ITGAL: variants seen among roughly 807,000 people sequenced by gnomAD.
ITGAL encodes the protein integrin alpha-L.
ITGAL carries 68 observed loss-of-function variants against 138.4 expected under a neutral mutation model. That is an observed-to-expected ratio of 0.49 (90% CI 0.40 to 0.60). ITGAL has a LOEUF of 0.60. Ranked by LOEUF, ITGAL falls within the 20% of genes least tolerant of loss-of-function variation. The pLI, the probability that ITGAL is intolerant of heterozygous loss-of-function variation, is 0.00. For synonymous variants in ITGAL, 561 were observed against 584.3 expected, an observed-to-expected ratio of 0.96 and a Z score of 0.57; for missense variants, 1,256 against 1,478.6, an observed-to-expected ratio of 0.85 and a Z score of 2.47.
intron 16 of ITGAL, 30 bp from the exon 17 acceptor site, chr16:30,499,307 AT>A (rs1567477833): frequency 6.2e-7 from 1 of 1,613,562 alleles, no homozygotes; most frequent in African/African-American, 1.3e-5. Flanking sequence ...ATCCCCCACC[AT>A]TTAACTCTTG....
chr16:30,500,112 G>T (rs1234768153), intron 17 of ITGAL, among the ~76,000 whole-genome samples: 1 of 147,024 alleles, frequency 6.8e-6, no homozygotes, highest in African/African-American at 2.5e-5. Flanking sequence ...TTGAGACAGA[G>T]TCTCGCTCTA....
chr16:30,486,424 A>AT (rs34342112), intron 9 of ITGAL, among the ~76,000 whole-genome samples: 1 of 151,606 alleles, frequency 6.6e-6, no homozygotes, highest in Non-Finnish European at 1.5e-5. Context: ...AAAAAAAAAA[A>AT]TCAGCAGCAA....
chr16:30,494,574 C>G lies in ITGAL; in HGVS notation c.1366-139C>G. 1 of 1,170,482 alleles carries G rather than the reference C, an allele frequency of 8.5e-7. No homozygotes were observed. Among genetic ancestry groups the G allele is most frequent in the African/African-American group, 1.5e-5 (1 of 64,612 alleles). 72.5% of individuals were successfully genotyped at this position (1,170,482 alleles called of 1,614,324 possible). ...CCTCAAAGAGCCCACCTTGTCTTAACGCACATAGACTAGGGGTGGATCCAA... is the reference window on the plus strand; with the variant it reads ...CCTCAAAGAGCCCACCTTGTCTTAAGGCACATAGACTAGGGGTGGATCCAA... On this transcript the variant is annotated intron_variant, in intron 12 of 30. Coordinates refer to ENST00000356798, the MANE Select transcript of ITGAL (RefSeq NM_002209.3). This position sits in a 1 kb window ranked among gnomAD's most constrained non-coding sequence, Gnocchi z 4.2.
chr16:30,491,260 G>C (rs973636283), intron 11 of ITGAL, among the ~76,000 whole-genome samples: 1 of 150,912 alleles, frequency 6.6e-6, no homozygotes, highest in Non-Finnish European at 1.5e-5. Context: ...AATTAGCCAG[G>C]CATGGTGGCA....
At chr16:30,501,121 C>T (rs922668758) in intron 17 of ITGAL, among the ~76,000 whole-genome samples, 3 of 151,430 alleles carry the variant, frequency 2.0e-5, no homozygotes, top group Middle Eastern at 3.4e-3. Flanking sequence ...GCTGGGATTA[C>T]GGGCATGAGC....
intron 21 of ITGAL, among the ~76,000 whole-genome samples, chr16:30,507,452 C>T (rs1388040728): frequency 6.9e-6 from 1 of 145,320 alleles, no homozygotes; most frequent in Non-Finnish European, 1.5e-5. Flanking sequence ...AGCGAAACTC[C>T]GTCTCAAAAA....
chr16:30,480,313 G>A (rs1448542359), intron 6 of ITGAL, among the ~76,000 whole-genome samples: 2 of 152,078 alleles, frequency 1.3e-5, no homozygotes, highest in African/African-American at 2.4e-5. Flanking sequence ...CTCCCTTAGC[G>A]CCTTTAGACC....
chr16:30,504,352 C>G, intron 18 of ITGAL, 88 bp downstream of exon 18: 2 of 997,324 alleles, frequency 2.0e-6, no homozygotes, highest in Non-Finnish European at 3.2e-6. Context: ...CAGCACACTC[C>G]TATAATCCCA....
In ITGAL at chr16:30,513,803, C is replaced by G; in HGVS notation, c.2819C>G (p.Thr940Ser). Residue 940 changes from threonine (T) to serine (S), a missense_variant, in exon 25 of 31, where the codon ACC (threonine) becomes AGC (serine). Transcript: ENST00000356798. Reference sequence around the variant, plus strand: ...GACTCCACACTCTATGTCAGTTTCACCCCCAAAGGCCCCAAGATCCACCAA... The same window carrying G: ...GACTCCACACTCTATGTCAGTTTCAGCCCCAAAGGCCCCAAGATCCACCAA... Reference protein sequence around the residue: ...QEDSTLYVSFTPKGPKIHQVK... With the variant: ...QEDSTLYVSFSPKGPKIHQVK... 1 of 1,613,752 alleles carries G rather than the reference C, an allele frequency of 6.2e-7. No individual in the cohort carries two copies. The highest frequency in any genetic ancestry group is 8.5e-7 in the Non-Finnish European group (1 of 1,179,700).
At chr16:30,481,345 TAAAAAAA>T (rs57608894) in intron 6 of ITGAL, 87 bp from the exon 7 acceptor site, 41 of 449,298 alleles carry the variant, frequency 9.1e-5, no homozygotes, top group Admixed American at 2.5e-4. Flanking sequence ...AAACTCCATC[TAAAAAAA>T]AAAAAAAAAA....
chr16:30,519,884 G>C lies in ITGAL; in HGVS notation c.3256G>C (p.Glu1086Gln), dbSNP rs770821011. 2 of 1,613,920 alleles carry C rather than the reference G, an allele frequency of 1.2e-6. No individual in the cohort carries two copies. Among genetic ancestry groups the C allele is most frequent in the Non-Finnish European group, 1.7e-6 (2 of 1,179,848 alleles). The change falls in exon 30 of 31, where the codon GAG (glutamate) becomes CAG (glutamine). Residue 1086 changes from glutamate (E) to glutamine (Q), a missense_variant. By Grantham distance (29) the Glu-to-Gln change is conservative. Transcript: ENST00000356798. ...QVVMKVDVVY[E>Q]KQMLYLYVLS... ...TGTCATGAAGGTTGACGTGGTGTAT[G>C]AGAAGCAGATGCTCTACCTCTACGT...
chr16:30,490,609 T>C (rs1329840068), intron 11 of ITGAL, among the ~76,000 whole-genome samples: 1 of 152,154 alleles, frequency 6.6e-6, no homozygotes, highest in Non-Finnish European at 1.5e-5. Flanking sequence ...AGTAAACTTC[T>C]TTCAATGACA....
chr16:30,474,146 G>A, intron 1 of ITGAL, 50 bp from the exon 2 acceptor site: 1 of 1,393,930 alleles, frequency 7.2e-7, no homozygotes, highest in Non-Finnish European at 9.9e-7. Flanking sequence ...CTGGGCACGT[G>A]CAGGGGCGGG....
intron 15 of ITGAL, among the ~76,000 whole-genome samples, chr16:30,498,033 C>T (rs2050828349): frequency 6.6e-6 from 1 of 151,728 alleles, no homozygotes; most frequent in African/African-American, 2.4e-5. Context: ...CATTTGAGGT[C>T]AGGTGGACGT....
chr16:30,516,630 GC>G (rs577076066), intron 25 of ITGAL, among the ~76,000 whole-genome samples: 54 of 152,164 alleles, frequency 3.5e-4, no homozygotes, highest in Non-Finnish European at 6.3e-4. Flanking sequence ...CAGATCCTTT[GC>G]CGTCCTGCTG....
rs1430164044 is a variant in ITGAL at position 30,513,894 on chromosome 16, T to G, written c.2862+48T>G. 3 of 1,402,842 alleles carry G rather than the reference T, an allele frequency of 2.1e-6. No individual in the cohort carries two copies. The Admixed American group carries it at 5.0e-5, about 24-fold the overall frequency. The allele number at this position is 1,402,842 out of a possible 1,614,324, so 86.9% of individuals were successfully genotyped here. A position where few individuals can be genotyped will look rare whatever the true frequency, so the allele number is the denominator to read the frequency against. On this transcript the variant is annotated intron_variant, in intron 25 of 30. Coordinates refer to ENST00000356798, the MANE Select transcript of ITGAL (RefSeq NM_002209.3). ...TCCTTATAGGTCACACATTCATTCT[T>G]TATCCCGGGGACTGAGGATGCAGGC...
At position 30,479,112 on chromosome 16, in the gene ITGAL, C is replaced by G; in HGVS notation, c.349C>G (p.Arg117Gly). ...TTAGGCCTGTGACCCTGGGCTGTCT[C>G]GAACGTGTGACCAGAACACCTATCT... ...SILACDPGLS[R>G]TCDQNTYLSG... The change falls in exon 5 of 31, where the codon CGA becomes GGA. Residue 117 changes from arginine to glycine, a missense_variant. Coordinates refer to ENST00000356798, the MANE Select transcript of ITGAL (RefSeq NM_002209.3). 6.2e-7 allele frequency: 1 copy of G among 1,614,010 alleles called. No individual in the cohort carries two copies. Among genetic ancestry groups the G allele is most frequent in the Non-Finnish European group, 8.5e-7 (1 of 1,179,972 alleles).
intron 21 of ITGAL, among the ~76,000 whole-genome samples, chr16:30,508,827 C>G (rs2050314692): frequency 1.3e-5 from 2 of 151,946 alleles, no homozygotes; most frequent in African/African-American, 4.8e-5. Flanking sequence ...ACATTGCCCT[C>G]CAGCTTGGGC....
chr16:30,510,791 G>C, intron 22 of ITGAL, 90 bp from the exon 23 acceptor site: 1 of 1,046,442 alleles, frequency 9.6e-7, no homozygotes, highest in Non-Finnish European at 1.5e-6. Flanking sequence ...CTTGATAAGG[G>C]GTCCCTGAGA....
Sources: gnomAD v4.1 joint callset for allele counts (sites outside exome capture counted in the v4.1 genomes callset) on GRCh38, gnomAD v4.1.1 for gene constraint, Gnocchi (gnomAD v3.1) non-coding constraint, MANE v1.5 for transcripts, NCBI Gene and HGNC (gene_info 2026-07-23, HGNC 2026-07-21) for gene names.